Variants in HACL1 observed in about 807,000 individuals in gnomAD.
HACL1 encodes 1600020H07Rik.
In HACL1, 64 loss-of-function variants were observed where a neutral mutation model predicts 74.2. The observed-to-expected ratio is 0.86, with a 90% confidence interval of 0.70 to 1.06. The LOEUF is 1.06. Ranked by LOEUF, HACL1 falls within the 50% of genes least tolerant of loss-of-function variation. The pLI, the probability that HACL1 is intolerant of heterozygous loss-of-function variation, is 0.00. For missense variants in HACL1, 728 were observed against 719.7 expected, an observed-to-expected ratio of 1.01 and a Z score of -0.13; for synonymous variants, 230 against 238.8, an observed-to-expected ratio of 0.96 and a Z score of 0.34.
intron 9 of HACL1, among the ~76,000 whole-genome samples, chr3:15,577,102 G>C (rs1037798664): frequency 1.3e-5 from 2 of 152,164 alleles, no homozygotes; most frequent in African/African-American, 4.8e-5. Context: ...AATTAACTTG[G>C]TTACTGTATA....
chr3:15,590,795 T>C (rs993612466), intron 4 of HACL1, among the ~76,000 whole-genome samples: 1 of 152,200 alleles, frequency 6.6e-6, no homozygotes, highest in Non-Finnish European at 1.5e-5. Context: ...AAAGTGTTTA[T>C]GGCAGCTGGG....
chr3:15,570,343 A>C (rs77949566), intron 12 of HACL1, among the ~76,000 whole-genome samples: 166 of 144,386 alleles, frequency 1.1e-3, no homozygotes, highest in African/African-American at 2.6e-3. Context: ...CTCTGTCCCC[A>C]AAAAAAAAAA....
intron 14 of HACL1, among the ~76,000 whole-genome samples, chr3:15,566,282 C>T (rs1247050211): frequency 1.3e-5 from 2 of 152,216 alleles, no homozygotes; most frequent in Non-Finnish European, 2.9e-5. Context: ...TGAGGATCTA[C>T]AATTCATGAG....
chr3:15,573,079 G>A, intron 11 of HACL1, 80 bp downstream of exon 11: 3 of 807,112 alleles, frequency 3.7e-6, no homozygotes, highest in Non-Finnish European at 4.4e-6. Flanking sequence ...CCGTTACCAA[G>A]TGAATCAAGA....
At chr3:15,572,374 G>A (rs2063550755) in intron 11 of HACL1, among the ~76,000 whole-genome samples, 1 of 152,200 alleles carries the variant, frequency 6.6e-6, no homozygotes, top group African/African-American at 2.4e-5. Context: ...TGTTTGGTCA[G>A]TGTGGGTTTC....
chr3:15,591,537 A>G, intron 4 of HACL1, 63 bp downstream of exon 4: 4 of 932,138 alleles, frequency 4.3e-6, no homozygotes, highest in East Asian at 2.5e-5. Context: ...CATTAGCTCT[A>G]CTCAGTAAAA....
chr3:15,578,115 A>C (rs1241227250), intron 9 of HACL1, among the ~76,000 whole-genome samples: 2 of 151,396 alleles, frequency 1.3e-5, no homozygotes, highest in African/African-American at 4.8e-5. Context: ...AAAAAAAAAA[A>C]AAACCAAAAA....
At chr3:15,573,105 G>T in intron 11 of HACL1, 54 bp downstream of exon 11, 2 of 939,296 alleles carry the variant, frequency 2.1e-6, no homozygotes, top group Non-Finnish European at 3.5e-6. Context: ...ACATTTTCAA[G>T]AATTGACTAT....
intron 8 of HACL1, among the ~76,000 whole-genome samples, chr3:15,580,964 C>T (rs796132820): frequency 2.4e-4 from 37 of 152,366 alleles, no homozygotes; most frequent in African/African-American, 8.4e-4. Context: ...CGCAATGGCG[C>T]GATCTCGGTT....
At chr3:15,598,533 GC>G (rs1164376901) in intron 2 of HACL1, among the ~76,000 whole-genome samples, 4 of 152,320 alleles carry the variant, frequency 2.6e-5, no homozygotes, top group Middle Eastern at 3.4e-3. Flanking sequence ...TCAAAGCACT[GC>G]TGTGAGGATG....
chr3:15,579,352 T>G lies in HACL1; in HGVS notation c.803+558A>C, dbSNP rs1574925013. 2.6e-5 allele frequency among the ~76,000 whole-genome samples: 4 copies of G among 152,096 alleles called. No individual in the cohort carries two copies. The South Asian group carries it at 8.3e-4, about 32-fold the overall frequency. On this transcript the variant is annotated intron_variant, in intron 9 of 16. Transcript: ENST00000321169. ...GCAGAAACTATTATAATTTACCCCATCATGAAGTATAGAAAAATATTCTTA... is the reference window on the plus strand; with the variant it reads ...GCAGAAACTATTATAATTTACCCCAGCATGAAGTATAGAAAAATATTCTTA...
intron 2 of HACL1, among the ~76,000 whole-genome samples, chr3:15,598,256 G>A (rs1306928564): frequency 6.6e-6 from 1 of 152,002 alleles, no homozygotes; most frequent in Non-Finnish European, 1.5e-5. Context: ...CCTGACCTCA[G>A]GTGATCTGCC....
intron 16 of HACL1, among the ~76,000 whole-genome samples, chr3:15,562,654 T>C (rs1311708896): frequency 1.3e-5 from 2 of 152,188 alleles, no homozygotes; most frequent in Admixed American, 6.5e-5. Flanking sequence ...AGGCGGCAAG[T>C]GGCAGAACCA....
intron 6 of HACL1, among the ~76,000 whole-genome samples, chr3:15,585,843 A>C (rs949605817): frequency 6.6e-6 from 1 of 152,196 alleles, no homozygotes; most frequent in Non-Finnish European, 1.5e-5. Flanking sequence ...CCAAAATGTG[A>C]AACTTAGTGT....
chr3:15,579,868 A>G (rs2063691538), intron 9 of HACL1, 42 bp downstream of exon 9: 1 of 1,414,628 alleles, frequency 7.1e-7, no homozygotes, highest in Non-Finnish European at 9.6e-7. Flanking sequence ...TTAGCCTAAA[A>G]TCTACCAAGC....
chr3:15,600,627 G>A (rs2064193540), intron 2 of HACL1, among the ~76,000 whole-genome samples: 1 of 152,150 alleles, frequency 6.6e-6, no homozygotes, highest in Non-Finnish European at 1.5e-5. Flanking sequence ...ATACAACAAA[G>A]CCTTGGCCTT....
Position 15,560,746 on chromosome 3 carries a change from T to C in HACL1, c.*119A>G. Reference sequence around the variant, plus strand: ...TAATCAATTCCTTTACTGTAAAATGTCATTTTAAATGTTTATTTTATTTTG... The same window carrying C: ...TAATCAATTCCTTTACTGTAAAATGCCATTTTAAATGTTTATTTTATTTTG... On this transcript the variant is annotated 3_prime_UTR_variant, in exon 17 of 17. Transcript: ENST00000321169. The C allele has an allele frequency of 1.4e-6, 1 of 740,086 alleles. No homozygotes were observed. Among genetic ancestry groups the C allele is most frequent in the South Asian group, 1.6e-5 (1 of 62,644 alleles). The allele number at this position is 740,086 out of a possible 1,614,324, so 45.8% of individuals were successfully genotyped here. A position where few individuals can be genotyped will look rare whatever the true frequency, so the allele number is the denominator to read the frequency against.
In HACL1 at chr3:15,596,163, G is replaced by C. The variant is rs1487573611; in HGVS notation, c.227+221C>G. On this transcript the variant is annotated intron_variant, in intron 3 of 16. Coordinates refer to ENST00000321169, the MANE Select transcript of HACL1 (RefSeq NM_012260.4). ...ACATCAACTCACTATCTGATCACCA[G>C]TGATTCACTCTACAAAATGGCAATG... The C allele has an allele frequency of 8.0e-6, 4 of 498,348 alleles. No individual in the cohort carries two copies. In the East Asian group the frequency reaches 1.4e-4, roughly 17 times the overall value. The allele number at this position is 498,348 out of a possible 1,614,324, so 30.9% of individuals were successfully genotyped here. A position where few individuals can be genotyped will look rare whatever the true frequency, so the allele number is the denominator to read the frequency against.
rs1280324003 is a variant in HACL1, at chr3:15,585,326, A to G, written c.476T>C (p.Ile159Thr). The change falls in exon 7 of 17, where the codon ATC (isoleucine) becomes ACC (threonine). Residue 159 changes from isoleucine to threonine, a missense_variant. By Grantham distance (89) the Ile-to-Thr change is moderately conservative. Coordinates refer to ENST00000321169, the MANE Select transcript of HACL1 (RefSeq NM_012260.4). ...FVIEKAVRSS[I>T]YGRPGACYVD... ...ATAGCAAGCACCTGGACGACCATAG[A>G]TACTGCTTCTCACTGCCTACGTTCA... The G allele has an allele frequency of 1.3e-6, 2 of 1,596,440 alleles. No homozygotes were observed. The highest frequency in any genetic ancestry group is 1.7e-6 in the Non-Finnish European group (2 of 1,164,038).
Sources: gnomAD v4.1 joint callset for allele counts (sites outside exome capture counted in the v4.1 genomes callset) on GRCh38, gnomAD v4.1.1 for gene constraint, MANE v1.5 for transcripts, NCBI Gene and HGNC (gene_info 2026-07-23, HGNC 2026-07-21) for gene names.